Variants in LTBP1 observed in about 807,000 individuals in gnomAD.
LTBP1 encodes latent-transforming growth factor beta-binding protein 1.
A neutral mutation model predicts 207.6 loss-of-function variants in LTBP1; 129 were observed. The ratio of observed to expected loss-of-function variants is 0.62; its 90% CI spans 0.54 to 0.72. The LOEUF (loss-of-function observed/expected upper bound fraction) is 0.72. Among genes scored for constraint, LTBP1 ranks in the 30% least tolerant of loss-of-function variants. The pLI, the probability that LTBP1 is intolerant of heterozygous loss-of-function variation, is 0.00. For synonymous variants in LTBP1, 963 were observed against 833.7 expected (o/e 1.16, Z -2.67); for missense variants, 2,281 against 2,217.2 (o/e 1.03, Z -0.58).
intron 9 of LTBP1, among the ~76,000 whole-genome samples, chr2:33,237,083 A>T (rs1356461466): frequency 6.6e-6 from 1 of 152,302 alleles, no homozygotes; most frequent in East Asian, 1.9e-4. Flanking sequence ...AAGCAAATAT[A>T]ATCACGAAGA....
At chr2:33,097,303 G>C (rs866319259) in intron 3 of LTBP1, among the ~76,000 whole-genome samples, 3 of 152,256 alleles carry the variant, frequency 2.0e-5, no homozygotes, top group Middle Eastern at 6.8e-3. Context: ...AATAGTTCAA[G>C]TGGATGAAAT....
At chr2:33,129,446 T>C (rs1347709991) in intron 4 of LTBP1, among the ~76,000 whole-genome samples, 4 of 152,178 alleles carry the variant, frequency 2.6e-5, no homozygotes, top group Admixed American at 2.6e-4. Flanking sequence ...GGTGTCTCTT[T>C]CAAAAATTAA....
At position 33,389,315 on chromosome 2, in the gene LTBP1, A is replaced by G. The variant is rs754563392; in HGVS notation, c.4834+9A>G. ...CTACTTCATCCAAGACCGTAAGCAAAATAACCTTGTTCCTTTGATACTAAG... is the reference window on the plus strand; with the variant it reads ...CTACTTCATCCAAGACCGTAAGCAAGATAACCTTGTTCCTTTGATACTAAG... On this transcript the variant is annotated intron_variant, in intron 32 of 33. Transcript: ENST00000404816. 1.4e-5 allele frequency: 22 copies of G among 1,613,988 alleles called. No individual in the cohort carries two copies. Among genetic ancestry groups the G allele is most frequent in the Non-Finnish European group, 1.8e-5 (21 of 1,179,944 alleles).
chr2:33,377,073 G>C (rs1037470758), intron 31 of LTBP1, among the ~76,000 whole-genome samples: 8 of 152,170 alleles, frequency 5.3e-5, no homozygotes, highest in Non-Finnish European at 7.3e-5. Context: ...AAGCAAACAT[G>C]GTTTGCCGCA....
chr2:33,211,510 G>C (rs560428383), intron 7 of LTBP1, among the ~76,000 whole-genome samples: 56 of 152,292 alleles, frequency 3.7e-4, no homozygotes, highest in African/African-American at 1.3e-3. Context: ...GCTCAGAGAG[G>C]TTGGATGATT....
chr2:33,212,651 T>A (rs796781374), intron 7 of LTBP1, among the ~76,000 whole-genome samples: 44 of 152,320 alleles, frequency 2.9e-4, no homozygotes, highest in African/African-American at 1.0e-3. Flanking sequence ...GCATTAACTG[T>A]TGAAAAGATC....
intron 2 of LTBP1, among the ~76,000 whole-genome samples, chr2:32,962,442 C>T (rs1196762000): frequency 1.4e-4 from 21 of 152,122 alleles, no homozygotes; most frequent in Admixed American, 1.2e-3. Context: ...TTTTGTTTTA[C>T]TTTTTCATCC....
At chr2:33,120,471 A>C (rs1445472761) in intron 4 of LTBP1, among the ~76,000 whole-genome samples, 2 of 152,214 alleles carry the variant, frequency 1.3e-5, no homozygotes, top group Non-Finnish European at 2.9e-5. Context: ...TAGTTTGCTA[A>C]GGATAATAGC....
chr2:33,066,720 G>A (rs1255309568), intron 3 of LTBP1, among the ~76,000 whole-genome samples: 1 of 152,120 alleles, frequency 6.6e-6, no homozygotes, highest in Non-Finnish European at 1.5e-5. Context: ...AAAATCAAAT[G>A]TTTCATTATA....
At chr2:33,172,133 A>T (rs1339733140) in intron 5 of LTBP1, among the ~76,000 whole-genome samples, 1 of 152,212 alleles carries the variant, frequency 6.6e-6, no homozygotes. Context: ...CATCAAAATG[A>T]CAGGATCAAA....
chr2:33,346,875 T>C (rs2094708941), intron 25 of LTBP1, among the ~76,000 whole-genome samples: 1 of 151,532 alleles, frequency 6.6e-6, no homozygotes, highest in Non-Finnish European at 1.5e-5. Context: ...CCAGCACTTT[T>C]GGAGGCCGAG....
Position 33,358,943 on chromosome 2 carries a change from A to G in LTBP1, c.4001-1654A>G, listed in dbSNP as rs115279468. On this transcript the variant is annotated intron_variant, in intron 26 of 33. Transcript: ENST00000404816. ...GTTCCGTTAAGAGTACGCAAAGTGA[A>G]TTTCAGTCCTCTGCACACTTGAAGC... 2.4e-3 allele frequency among the ~76,000 whole-genome samples: 363 copies of G among 152,282 alleles called. 2 individuals are homozygous for G. Among genetic ancestry groups the G allele is most frequent in the African/African-American group, 8.2e-3 (339 of 41,562 alleles).
intron 3 of LTBP1, among the ~76,000 whole-genome samples, chr2:33,100,793 C>T (rs2079687151): frequency 6.6e-6 from 1 of 152,190 alleles, no homozygotes; most frequent in Non-Finnish European, 1.5e-5. Flanking sequence ...TCAAATCATA[C>T]AGCATTTGTC....
At chr2:33,039,668 T>C (rs2076091430) in intron 3 of LTBP1, among the ~76,000 whole-genome samples, 1 of 152,248 alleles carries the variant, frequency 6.6e-6, no homozygotes, top group East Asian at 1.9e-4. Context: ...GTTGTGTTTG[T>C]GGGGGGCCAT....
At chr2:33,163,452 A>G (rs562003755) in intron 5 of LTBP1, among the ~76,000 whole-genome samples, 1 of 152,348 alleles carries the variant, frequency 6.6e-6, no homozygotes, top group East Asian at 1.9e-4. Flanking sequence ...GATAATTGCC[A>G]TGATCTTATG....
At chr2:32,998,408 C>T (rs1008370791) in intron 2 of LTBP1, among the ~76,000 whole-genome samples, 4 of 148,054 alleles carry the variant, frequency 2.7e-5, no homozygotes, top group Non-Finnish European at 3.0e-5. Flanking sequence ...CCCAGCTACT[C>T]GGGAGGCTGA....
chr2:33,282,453 T>C (rs937666905), intron 19 of LTBP1, among the ~76,000 whole-genome samples: 1 of 152,166 alleles, frequency 6.6e-6, no homozygotes, highest in African/African-American at 2.4e-5. Flanking sequence ...CCATCTTAAT[T>C]TTTTATAGTA....
rs1208384156 is a variant in LTBP1, at chr2:32,947,060, C to G, written c.-265C>G. Reference sequence around the variant, plus strand: ...GCGCGGACCCTCACCTTGCGCGGCCCGCTCCCCTCGCCCCTCCCCGCTCCC... The same window carrying G: ...GCGCGGACCCTCACCTTGCGCGGCCGGCTCCCCTCGCCCCTCCCCGCTCCC... On this transcript the variant is annotated 5_prime_UTR_variant, in exon 1 of 34. Transcript: ENST00000404816. 6.9e-6 allele frequency: 2 copies of G among 288,774 alleles called. No homozygotes were observed. The highest frequency in any genetic ancestry group is 1.1e-4 in the East Asian group (2 of 17,418). The allele number at this position is 288,774 out of a possible 1,614,324, so 17.9% of individuals were successfully genotyped here.
At chr2:33,292,290 A>T (rs924469126) in intron 19 of LTBP1, among the ~76,000 whole-genome samples, 9 of 152,234 alleles carry the variant, frequency 5.9e-5, no homozygotes, top group Admixed American at 3.3e-4. Flanking sequence ...AACAAACATC[A>T]ATTCATACAT....
Sources: gnomAD v4.1 joint callset for allele counts (sites outside exome capture counted in the v4.1 genomes callset) on GRCh38, gnomAD v4.1.1 for gene constraint, MANE v1.5 for transcripts, NCBI Gene and HGNC (gene_info 2026-07-23, HGNC 2026-07-21) for gene names.